ADIPOR2: variants seen among roughly 807,000 people sequenced by gnomAD.
The protein encoded by ADIPOR2 is adiponectin receptor 2.
In ADIPOR2, 18 loss-of-function variants were observed where a neutral mutation model predicts 40.9. The observed-to-expected ratio is 0.44, with a 90% CI of 0.30 to 0.65. The LOEUF is 0.65. ADIPOR2 is among the 30% of genes least tolerant of loss of function. ADIPOR2 has a pLI of 0.09. For synonymous variants in ADIPOR2, 165 were observed against 166.4 expected (o/e 0.99, Z 0.06); for missense variants, 283 against 479.2 (o/e 0.59, Z 3.82).
intron 1 of ADIPOR2, among the ~76,000 whole-genome samples, chr12:1,752,855 C>G (rs1037743062): frequency 2.6e-5 from 4 of 152,190 alleles, no homozygotes; most frequent in Admixed American, 1.3e-4. Flanking sequence ...AAATAGAAGC[C>G]ATTATTCTGT....
chr12:1,705,723 AT>A (rs904595629), intron 1 of ADIPOR2, among the ~76,000 whole-genome samples: 1 of 152,220 alleles, frequency 6.6e-6, no homozygotes, highest in African/African-American at 2.4e-5. Flanking sequence ...CCGTTGTAAT[AT>A]GGCTGTAAAA....
chr12:1,782,521 T>C (rs1288011040), intron 6 of ADIPOR2, among the ~76,000 whole-genome samples: 1 of 152,230 alleles, frequency 6.6e-6, no homozygotes, highest in Non-Finnish European at 1.5e-5. Context: ...CATTTTTTTT[T>C]CCATCATGAC....
At chr12:1,743,310 TAAAAAAAA>T (rs137936686) in intron 1 of ADIPOR2, among the ~76,000 whole-genome samples, 1 of 88,600 alleles carries the variant, frequency 1.1e-5, no homozygotes, top group African/African-American at 4.4e-5. Context: ...AGACGCTGTC[TAAAAAAAA>T]AAAAAAAAAA....
At position 1,700,851 on chromosome 12, in the gene ADIPOR2, C is replaced by T. The variant is rs532223232; in HGVS notation, c.-87+9660C>T. 2.0e-5 allele frequency among the ~76,000 whole-genome samples: 3 copies of T among 148,648 alleles called. No homozygotes were observed. The East Asian group carries it at 5.9e-4, about 29-fold the overall frequency. ...ATTAAGATTTCAAGCCAATGAAATA[C>T]ATTTTAGGGGTTGATTTGAATTTAG... On this transcript the variant is annotated intron_variant, in intron 1 of 7. Coordinates refer to ENST00000357103, the MANE Select transcript of ADIPOR2 (RefSeq NM_024551.3).
chr12:1,735,484 G>A (rs11061956), intron 1 of ADIPOR2, among the ~76,000 whole-genome samples: 19,360 of 152,232 alleles, frequency 0.13, 1,604 homozygotes, highest in East Asian at 0.28. Context: ...ATCAGCTTAA[G>A]GAGATTTTGG....
chr12:1,694,996 ATTC>A (rs2094635049), intron 1 of ADIPOR2, among the ~76,000 whole-genome samples: 1 of 141,694 alleles, frequency 7.1e-6, no homozygotes. Flanking sequence ...CATAGGGCTT[ATTC>A]TTTGTGTTGC....
rs1441982114 is a variant in ADIPOR2, at chr12:1,780,052, TA to T, written c.464-394del. 5 of 155,658 alleles carry T rather than the reference TA, an allele frequency of 3.2e-5. No homozygotes were observed. The East Asian group carries it at 9.4e-4, about 29-fold the overall frequency. 9.6% of individuals were successfully genotyped at this position (155,658 alleles called of 1,614,324 possible). On this transcript the variant is annotated intron_variant, in intron 4 of 7. Coordinates refer to ENST00000357103, the MANE Select transcript of ADIPOR2 (RefSeq NM_024551.3). ...GGTTTAGGGGTATTGGAATTCATTGTAAAAACAAAAGCAAAAGCACAATGGA... is the reference window on the plus strand; with the variant it reads ...GGTTTAGGGGTATTGGAATTCATTGTAAAACAAAAGCAAAAGCACAATGGA...
At chr12:1,774,870 A>G (rs1024758873) in intron 3 of ADIPOR2, among the ~76,000 whole-genome samples, 3 of 150,638 alleles carry the variant, frequency 2.0e-5, no homozygotes, top group Non-Finnish European at 3.0e-5. Flanking sequence ...ATGCCCGGCT[A>G]ATTTTTGTAT....
At chr12:1,764,097 G>A (rs190905668) in intron 2 of ADIPOR2, among the ~76,000 whole-genome samples, 2 of 152,316 alleles carry the variant, frequency 1.3e-5, no homozygotes, top group Admixed American at 6.5e-5. Context: ...CCAGCCAGAT[G>A]TGTGACTTTG....
At chr12:1,785,172 T>C (rs1035103929) in intron 7 of ADIPOR2, among the ~76,000 whole-genome samples, 3 of 152,242 alleles carry the variant, frequency 2.0e-5, no homozygotes, top group African/African-American at 7.2e-5. Flanking sequence ...TTTGCCACTG[T>C]ACTTTTTCAT....
At chr12:1,754,717 C>CTAT (rs1862082750) in intron 2 of ADIPOR2, among the ~76,000 whole-genome samples, 3 of 79,002 alleles carry the variant, frequency 3.8e-5, no homozygotes, top group Non-Finnish European at 5.7e-5. Flanking sequence ...ACTACTACTA[C>CTAT]TACTACTACT....
chr12:1,698,791 C>T (rs2094644441), intron 1 of ADIPOR2, among the ~76,000 whole-genome samples: 1 of 151,874 alleles, frequency 6.6e-6, no homozygotes, highest in Non-Finnish European at 1.5e-5. Flanking sequence ...ATCACATTGC[C>T]ACCCAGAAAG....
At chr12:1,696,547 C>T (rs1272063514) in intron 1 of ADIPOR2, 1 of 152,334 alleles carries the variant, frequency 6.6e-6, no homozygotes, top group Non-Finnish European at 1.5e-5. Flanking sequence ...AGGCATGCAC[C>T]ACCATGCCTG....
In ADIPOR2 at chr12:1,757,896, C is replaced by T. The variant is rs144643661; in HGVS notation, c.171+3382C>T. The T allele has an allele frequency of 8.1e-3, 6,705 of 829,850 alleles. 43 individuals are homozygous for T. The highest frequency in any genetic ancestry group is 0.012 in the Non-Finnish European group (5,487 of 467,348). The allele number at this position is 829,850 out of a possible 1,614,324, so 51.4% of individuals were successfully genotyped here. A position where few individuals can be genotyped will look rare whatever the true frequency, so the allele number is the denominator to read the frequency against. The stretch of plus-strand genomic sequence containing the variant: ...TAGGAATATGATGGGGAGACACTCT[C>T]TCAACTTGTGGGGACTAGTGGATGG... On this transcript the variant is annotated intron_variant, in intron 2 of 7. Transcript: ENST00000357103.
At chr12:1,725,598 G>A (rs1278850060) in intron 1 of ADIPOR2, among the ~76,000 whole-genome samples, 1 of 152,166 alleles carries the variant, frequency 6.6e-6, no homozygotes, top group Non-Finnish European at 1.5e-5. Flanking sequence ...TTTCAAGTAT[G>A]GTAGGGTAAT....
chr12:1,771,883 T>C (rs938529935), intron 2 of ADIPOR2, among the ~76,000 whole-genome samples: 2 of 152,224 alleles, frequency 1.3e-5, no homozygotes, highest in African/African-American at 4.8e-5. Flanking sequence ...TGCTGTCTTA[T>C]TCATTGAGTT....
intron 1 of ADIPOR2, among the ~76,000 whole-genome samples, chr12:1,705,823 A>G (rs994482361): frequency 2.6e-5 from 4 of 152,174 alleles, no homozygotes; most frequent in African/African-American, 9.7e-5. Context: ...TTGTGGCTTT[A>G]TTGAAGTCCT....
In ADIPOR2 at chr12:1,772,493, C is replaced by T. The variant is rs567265139; in HGVS notation, c.172-349C>T. Among the ~76,000 whole-genome samples, 10 of 152,164 alleles carry T rather than the reference C, an allele frequency of 6.6e-5. No individual in the cohort carries two copies. The South Asian group carries it at 1.7e-3, about 25-fold the overall frequency. Reference sequence around the variant, plus strand: ...TTAGTTATTTTATGTGTCCCAGGTGCGAGTCTTGGAGGTTTTCCCCTTAGT... The same window carrying T: ...TTAGTTATTTTATGTGTCCCAGGTGTGAGTCTTGGAGGTTTTCCCCTTAGT... On this transcript the variant is annotated intron_variant, in intron 2 of 7. Transcript: ENST00000357103.
chr12:1,692,316 T>C (rs963127240), intron 1 of ADIPOR2, among the ~76,000 whole-genome samples: 1 of 152,208 alleles, frequency 6.6e-6, no homozygotes, highest in African/African-American at 2.4e-5. Flanking sequence ...GCCACCCTTA[T>C]GTCTCCTTAA....
Sources: gnomAD v4.1 joint callset for allele counts (sites outside exome capture counted in the v4.1 genomes callset) on GRCh38, gnomAD v4.1.1 for gene constraint, MANE v1.5 for transcripts, NCBI Gene and HGNC (gene_info 2026-07-23, HGNC 2026-07-21) for gene names.